ST6GALNAC3: variants seen among roughly 807,000 people sequenced by gnomAD.
ST6GALNAC3 encodes ST6 N-acetylgalactosaminide alpha-2,6-sialyltransferase 3, also known as alpha-N-acetylgalactosaminide alpha-2,6-sialyltransferase 3.
ST6GALNAC3 carries 25 observed loss-of-function variants against 32.7 expected under a neutral mutation model. That is an observed-to-expected ratio of 0.76 (90% CI 0.56 to 1.07). The LOEUF (loss-of-function observed/expected upper bound fraction) is 1.07, where lower values mean the gene tolerates loss of function less well. ST6GALNAC3 is among the 50% of genes least tolerant of loss of function. ST6GALNAC3 has a pLI of 0.00. For synonymous variants in ST6GALNAC3, 129 were observed against 133.1 expected (o/e 0.97, Z 0.21); for missense variants, 355 against 382.4 (o/e 0.93, Z 0.60).
intron 1 of ST6GALNAC3, among the ~76,000 whole-genome samples, chr1:76,192,258 A>T (rs962010173): frequency 2.0e-5 from 3 of 152,196 alleles, no homozygotes; most frequent in African/African-American, 7.2e-5. Flanking sequence ...CATTTTCTTC[A>T]AAATCCATTA....
chr1:76,514,650 T>G (rs1239376247), intron 3 of ST6GALNAC3, among the ~76,000 whole-genome samples: 1 of 152,190 alleles, frequency 6.6e-6, no homozygotes, highest in East Asian at 1.9e-4. Context: ...TGACTTTCCC[T>G]GCCATGTTGT....
intron 1 of ST6GALNAC3, among the ~76,000 whole-genome samples, chr1:76,196,957 T>G (rs925352231): frequency 6.6e-6 from 1 of 152,262 alleles, no homozygotes; most frequent in African/African-American, 2.4e-5. Flanking sequence ...TTTATTTTTA[T>G]CTGAACAATA....
intron 1 of ST6GALNAC3, among the ~76,000 whole-genome samples, chr1:76,151,668 G>C (rs747435268): frequency 3.9e-5 from 6 of 152,086 alleles, no homozygotes; most frequent in Admixed American, 6.5e-5. Flanking sequence ...ACACCTGAGA[G>C]GGGAGGTTCT....
At chr1:76,368,850 G>T (rs1650592513) in intron 2 of ST6GALNAC3, among the ~76,000 whole-genome samples, 1 of 152,022 alleles carries the variant, frequency 6.6e-6, no homozygotes, top group Admixed American at 6.6e-5. Flanking sequence ...AATAGTTTTA[G>T]CTTCATTTAG....
chr1:76,088,300 C>G (rs970739171), intron 1 of ST6GALNAC3, among the ~76,000 whole-genome samples: 5 of 152,152 alleles, frequency 3.3e-5, no homozygotes, highest in African/African-American at 7.2e-5. Flanking sequence ...TCTCCTAGAG[C>G]AGAGAATCAC....
At chr1:76,438,353 G>A (rs879523108) in intron 3 of ST6GALNAC3, among the ~76,000 whole-genome samples, 28 of 151,554 alleles carry the variant, frequency 1.8e-4, no homozygotes, top group Non-Finnish European at 1.0e-4. Context: ...GGGTTTCACC[G>A]TGGTCTCGAT....
At chr1:76,577,692 A>G (rs1646832408) in intron 3 of ST6GALNAC3, among the ~76,000 whole-genome samples, 1 of 152,006 alleles carries the variant, frequency 6.6e-6, no homozygotes, top group Non-Finnish European at 1.5e-5. Flanking sequence ...TGTTCCTCCC[A>G]TTAGTGGTCA....
chr1:76,122,108 T>C (rs772664447), intron 1 of ST6GALNAC3, among the ~76,000 whole-genome samples: 12 of 152,208 alleles, frequency 7.9e-5, no homozygotes, highest in South Asian at 4.1e-4. Context: ...ATTGTGTATA[T>C]AGTGCTTGTA....
intron 1 of ST6GALNAC3, among the ~76,000 whole-genome samples, chr1:76,310,857 G>C (rs905555398): frequency 3.9e-5 from 6 of 152,118 alleles, no homozygotes; most frequent in Non-Finnish European, 7.4e-5. Flanking sequence ...TCTTGCTCTA[G>C]ACTTACCTTC....
chr1:76,587,656 AAT>A (rs1275186229), intron 3 of ST6GALNAC3, among the ~76,000 whole-genome samples: 1 of 152,202 alleles, frequency 6.6e-6, no homozygotes, highest in Admixed American at 6.5e-5. Context: ...GTGAGGATTA[AAT>A]ATGATAATCC....
chr1:76,522,813 C>T (rs751995316), intron 3 of ST6GALNAC3, among the ~76,000 whole-genome samples: 1 of 152,166 alleles, frequency 6.6e-6, no homozygotes, highest in Non-Finnish European at 1.5e-5. Context: ...CATGAACAGA[C>T]TCAAATGCTG....
intron 1 of ST6GALNAC3, among the ~76,000 whole-genome samples, chr1:76,215,059 T>C (rs1655378925): frequency 6.6e-6 from 1 of 152,184 alleles, no homozygotes; most frequent in African/African-American, 2.4e-5. Context: ...TAGTAGAATG[T>C]TGTGGAGTGG....
intron 3 of ST6GALNAC3, among the ~76,000 whole-genome samples, chr1:76,622,280 C>T (rs1027352516): frequency 1.3e-5 from 2 of 151,884 alleles, no homozygotes; most frequent in African/African-American, 4.8e-5. Flanking sequence ...TTGTACATTC[C>T]CCCATTGCAG....
intron 3 of ST6GALNAC3, among the ~76,000 whole-genome samples, chr1:76,580,690 T>A (rs1018767964): frequency 8.5e-5 from 13 of 152,118 alleles, no homozygotes; most frequent in African/African-American, 3.1e-4. Flanking sequence ...TATCAGTGAC[T>A]GAAAGAACAA....
chr1:76,205,046 A>G (rs1265286643), intron 1 of ST6GALNAC3, among the ~76,000 whole-genome samples: 4 of 152,146 alleles, frequency 2.6e-5, no homozygotes, highest in Non-Finnish European at 1.5e-5. Context: ...TTGCTTCCTG[A>G]ACTGTGGGAC....
At chr1:76,130,156 A>T (rs1370491491) in intron 1 of ST6GALNAC3, among the ~76,000 whole-genome samples, 2 of 152,116 alleles carry the variant, frequency 1.3e-5, no homozygotes, top group East Asian at 3.9e-4. Context: ...AGTGATAAAG[A>T]TTTGCCTATT....
chr1:76,568,649 G>T (rs1048499146), intron 3 of ST6GALNAC3, among the ~76,000 whole-genome samples: 1 of 152,112 alleles, frequency 6.6e-6, no homozygotes, highest in Non-Finnish European at 1.5e-5. Context: ...TAACAGACAG[G>T]TTCTACTCAT....
intron 1 of ST6GALNAC3, among the ~76,000 whole-genome samples, chr1:76,216,833 G>A (rs1655492833): frequency 1.3e-5 from 2 of 152,116 alleles, no homozygotes; most frequent in African/African-American, 4.8e-5. Flanking sequence ...GTAAAAATTA[G>A]TGCTTTGTCA....
At chr1:76,617,067 A>C (rs1485014795) in intron 3 of ST6GALNAC3, among the ~76,000 whole-genome samples, 1 of 152,182 alleles carries the variant, frequency 6.6e-6, no homozygotes, top group Non-Finnish European at 1.5e-5. Context: ...CCTGGGGTGA[A>C]ATCACCTCAA....
Sources: allele counts gnomAD v4.1 joint callset (sites outside exome capture counted in the v4.1 genomes callset), GRCh38; gene constraint gnomAD v4.1.1; transcripts MANE v1.5; gene names NCBI Gene and HGNC (gene_info 2026-07-23, HGNC 2026-07-21).